Variants in CACNA1B observed in about 807,000 individuals in gnomAD.
The protein encoded by CACNA1B is voltage-dependent N-type calcium channel subunit alpha-1B.
A neutral mutation model predicts 247.2 loss-of-function variants in CACNA1B; 70 were observed. That is an observed-to-expected ratio of 0.28 (90% CI 0.23 to 0.35). CACNA1B has a LOEUF of 0.35. Ranked by LOEUF, CACNA1B falls within the 10% of genes least tolerant of loss-of-function variation. The probability of loss-of-function intolerance (pLI) is 1.00; values close to 1 mark genes in which losing one functional copy is unlikely to be tolerated. For missense variants in CACNA1B, 2,367 were observed against 3,197.4 expected (o/e 0.74, Z 6.26); for synonymous variants, 1,231 against 1,294.4 (o/e 0.95, Z 1.05).
chr9:137,897,274 A>G (rs574616420), intron 3 of CACNA1B, among the ~76,000 whole-genome samples: 1 of 152,254 alleles, frequency 6.6e-6, no homozygotes, highest in South Asian at 2.1e-4. Context: ...ACATATACAT[A>G]TAATACTATA....
intron 6 of CACNA1B, among the ~76,000 whole-genome samples, chr9:137,943,115 A>G (rs1479279169): frequency 6.8e-6 from 1 of 147,538 alleles, no homozygotes; most frequent in Admixed American, 6.8e-5. Flanking sequence ...CAGGTTAACT[A>G]GGTATTTCAC....
chr9:137,960,830 A>G (rs1050950698), intron 10 of CACNA1B, among the ~76,000 whole-genome samples: 2 of 152,036 alleles, frequency 1.3e-5, no homozygotes, highest in African/African-American at 4.8e-5. Context: ...GAGACTGTGT[A>G]AAGTGTTCCT....
chr9:138,041,227 C>G lies in CACNA1B; in HGVS notation c.3287-2547C>G, dbSNP rs997449756. On this transcript the variant is annotated intron_variant, in intron 20 of 46. Transcript: ENST00000371372. ...CCTATTCAGCTTCCCCACCTTGAAG[C>G]GAACCCAAGGCTTGGGACTCCTACC... Among the ~76,000 whole-genome samples, 3 of 152,178 alleles carry G rather than the reference C, an allele frequency of 2.0e-5. No individual in the cohort carries two copies. The East Asian group carries it at 5.8e-4, about 29-fold the overall frequency.
At chr9:137,902,451 T>C (rs1017368758) in intron 3 of CACNA1B, among the ~76,000 whole-genome samples, 17 of 152,262 alleles carry the variant, frequency 1.1e-4, no homozygotes, top group African/African-American at 4.1e-4. Context: ...AATACTTGTG[T>C]TGGTATTTAA....
Position 137,955,671 on chromosome 9 carries a change from C to G in CACNA1B, c.1071-27C>G. On this transcript the variant is annotated intron_variant, in intron 7 of 46. Transcript: ENST00000371372. The surrounding 1 kb of genome is among the most constrained non-coding windows in gnomAD (Gnocchi z 6.9). Reference sequence around the variant, plus strand: ...CCTGTGGGGCTTGCACTCACCTGATCTTGCTTTTCCGGCCCCTGCATGGTA... The same window carrying G: ...CCTGTGGGGCTTGCACTCACCTGATGTTGCTTTTCCGGCCCCTGCATGGTA... 6.6e-7 allele frequency: 1 copy of G among 1,513,350 alleles called. No individual in the cohort carries two copies. Among genetic ancestry groups the G allele is most frequent in the Non-Finnish European group, 9.1e-7 (1 of 1,095,126 alleles). 93.7% of individuals were successfully genotyped at this position (1,513,350 alleles called of 1,614,324 possible). A position where few individuals can be genotyped will look rare whatever the true frequency, so the allele number is the denominator to read the frequency against.
At chr9:138,006,203 C>T (rs564921342) in intron 15 of CACNA1B, among the ~76,000 whole-genome samples, 30 of 152,196 alleles carry the variant, frequency 2.0e-4, no homozygotes, top group African/African-American at 7.2e-4. Context: ...GTGGGGGACA[C>T]ATGAGTGTTT....
rs114627489 is a variant in CACNA1B at position 138,007,820 on chromosome 9, C to G, written c.2092+936C>G. On this transcript the variant is annotated intron_variant, in intron 16 of 46. Coordinates refer to ENST00000371372, the MANE Select transcript of CACNA1B (RefSeq NM_000718.4). This position sits in a 1 kb window ranked among gnomAD's most constrained non-coding sequence, Gnocchi z 4.1. ...CGACCTCCCGGCTCTGCTTCTACCC[C>G]GAACTTCTCACACACGATGGCCACT... is the stretch of plus-strand genomic sequence containing the variant. Among the ~76,000 whole-genome samples, 728 of 152,304 alleles carry G rather than the reference C, an allele frequency of 4.8e-3. 5 individuals are homozygous for G. The highest frequency in any genetic ancestry group is 0.017 in the African/African-American group (690 of 41,558).
At chr9:137,989,358 G>C (rs1412687980) in intron 15 of CACNA1B, among the ~76,000 whole-genome samples, 1 of 152,164 alleles carries the variant, frequency 6.6e-6, no homozygotes, top group Non-Finnish European at 1.5e-5. Context: ...GAGCCAGCTG[G>C]GCATGGAGGC....
intron 11 of CACNA1B, 131 bp from the exon 12 acceptor site, chr9:137,975,776 A>G (rs989963518): frequency 5.8e-6 from 4 of 693,888 alleles, no homozygotes; most frequent in Non-Finnish European, 1.0e-5. Context: ...ACTTCAGAGC[A>G]TAGGACCATA....
intron 3 of CACNA1B, among the ~76,000 whole-genome samples, chr9:137,908,249 C>G (rs1395929085): frequency 6.6e-6 from 1 of 152,198 alleles, no homozygotes; most frequent in Non-Finnish European, 1.5e-5. Flanking sequence ...GGCGCGGTGG[C>G]TCACGCCTGT....
In CACNA1B at chr9:137,913,806, G is replaced by A. The variant is rs1434293776; in HGVS notation, c.622+535G>A. 6.6e-6 allele frequency among the ~76,000 whole-genome samples: 1 copy of A among 152,204 alleles called. No individual in the cohort carries two copies. Among genetic ancestry groups the A allele is most frequent in the Non-Finnish European group, 1.5e-5 (1 of 68,032 alleles). ...CCTGGACCCCTATTCCTTCAGCCCA[G>A]TGGAAGTCTGGTTTTAGGTTTACCT... On this transcript the variant is annotated intron_variant, in intron 4 of 46. Transcript: ENST00000371372. The surrounding 1 kb of genome is among the most constrained non-coding windows in gnomAD (Gnocchi z 5.2).
chr9:137,911,403 A>G (rs1957358148), intron 3 of CACNA1B, among the ~76,000 whole-genome samples: 1 of 151,354 alleles, frequency 6.6e-6, no homozygotes, highest in Admixed American at 6.6e-5. Context: ...TTTTATTTTG[A>G]GATATTTATC....
chr9:137,967,658 A>G (rs1691263697), intron 10 of CACNA1B, among the ~76,000 whole-genome samples: 1 of 152,020 alleles, frequency 6.6e-6, no homozygotes, highest in South Asian at 2.1e-4. Context: ...TTCCCCACTG[A>G]GGAGCGAGAT....
intron 35 of CACNA1B, among the ~76,000 whole-genome samples, 188 bp downstream of exon 35, chr9:138,076,098 A>G (rs996913644): frequency 5.3e-5 from 8 of 152,050 alleles, no homozygotes; most frequent in Non-Finnish European, 1.2e-4. Flanking sequence ...AAGGCTCTTG[A>G]TATCTGCCCC....
intron 11 of CACNA1B, among the ~76,000 whole-genome samples, chr9:137,972,629 G>A (rs753282841): frequency 6.6e-6 from 1 of 152,206 alleles, no homozygotes; most frequent in Non-Finnish European, 1.5e-5. Flanking sequence ...GAGTGTGAGG[G>A]TTCCCTGAGC....
rs1961930536 is a variant in CACNA1B, at chr9:138,117,988, C to T, written c.5820C>T (p.Gly1940=). 1.9e-6 allele frequency: 3 copies of T among 1,597,288 alleles called. No homozygotes were observed. The highest frequency in any genetic ancestry group is 1.1e-5 in the South Asian group (1 of 87,754). ...GCATCAAAGAGTCTGTCTCCTGGGG[C>T]ACTCAAAGGACCCAGGATGCACCCC... is the stretch of plus-strand genomic sequence containing the variant. ...ESGIKESVSW[G]TQRTQDAPHE... Residue 1940 remains glycine (G), a synonymous_variant, in exon 43 of 47, where the codon GGC becomes GGT. Coordinates refer to ENST00000371372, the MANE Select transcript of CACNA1B (RefSeq NM_000718.4).
intron 15 of CACNA1B, among the ~76,000 whole-genome samples, chr9:138,001,352 T>G (rs1404951421): frequency 6.6e-6 from 1 of 152,188 alleles, no homozygotes; most frequent in Non-Finnish European, 1.5e-5. Flanking sequence ...TATGAGTTTC[T>G]TTTTTTGAAG....
chr9:138,003,834 C>A (rs974985410), intron 15 of CACNA1B, among the ~76,000 whole-genome samples: 1 of 136,750 alleles, frequency 7.3e-6, no homozygotes, highest in Non-Finnish European at 1.5e-5. Context: ...GTCGCCCAGG[C>A]TGGTGTCGAA....
chr9:137,981,728 C>T (rs973991238), intron 12 of CACNA1B, among the ~76,000 whole-genome samples: 2 of 152,228 alleles, frequency 1.3e-5, no homozygotes, highest in African/African-American at 4.8e-5. Flanking sequence ...ATCTGCCTGC[C>T]TCAGCCTCCC....
Sources: allele counts gnomAD v4.1 joint callset (sites outside exome capture counted in the v4.1 genomes callset), GRCh38; gene constraint gnomAD v4.1.1; non-coding constraint Gnocchi (gnomAD v3.1); transcripts MANE v1.5; gene names NCBI Gene and HGNC (gene_info 2026-07-23, HGNC 2026-07-21).